TRAPPC9: variants seen among roughly 807,000 people sequenced by gnomAD.
TRAPPC9 encodes the protein trafficking protein particle complex subunit 9, also known as IKK2 binding protein.
In TRAPPC9, 83 loss-of-function variants were observed where a neutral mutation model predicts 124.0. The observed-to-expected ratio is 0.67, with a 90% CI of 0.56 to 0.80. The LOEUF (loss-of-function observed/expected upper bound fraction) is 0.80, where lower values mean the gene tolerates loss of function less well. TRAPPC9 is among the 30% of genes least tolerant of loss of function. The pLI is 0.00. For missense variants in TRAPPC9, 1,302 were observed against 1,508.3 expected, an observed-to-expected ratio of 0.86 and a Z score of 2.27; for synonymous variants, 638 against 617.5, an observed-to-expected ratio of 1.03 and a Z score of -0.49.
chr8:139,862,178 C>G lies in TRAPPC9; in HGVS notation c.3055+23701G>C, dbSNP rs1354754458. On this transcript the variant is annotated intron_variant, in intron 21 of 22. Coordinates refer to ENST00000438773, the MANE Select transcript of TRAPPC9 (RefSeq NM_001160372.4). Reference sequence around the variant, plus strand: ...GAGCAAAAACGGCTCTGCTGGGAGACACCGCCAGGGCACTTGGCCCCAGGG... The same window carrying G: ...GAGCAAAAACGGCTCTGCTGGGAGAGACCGCCAGGGCACTTGGCCCCAGGG... Among the ~76,000 whole-genome samples, 3 of 152,270 alleles carry G rather than the reference C, an allele frequency of 2.0e-5. No individual in the cohort carries two copies. In the East Asian group the frequency reaches 5.8e-4, roughly 29 times the overall value.
chr8:140,018,676 T>C (rs774708599), intron 18 of TRAPPC9, among the ~76,000 whole-genome samples: 7 of 152,202 alleles, frequency 4.6e-5, no homozygotes, highest in African/African-American at 1.7e-4. Flanking sequence ...CTTGCTAAAT[T>C]GACTTATTAT....
intron 19 of TRAPPC9, among the ~76,000 whole-genome samples, chr8:139,982,139 T>TTGC (rs34355094): frequency 0.22 from 33,006 of 151,934 alleles, 4,649 homozygotes; most frequent in African/African-American, 0.42. Flanking sequence ...TCCAGTAAAT[T>TTGC]TGCTGCTGCT....
intron 21 of TRAPPC9, among the ~76,000 whole-genome samples, chr8:139,769,209 T>C (rs748429624): frequency 5.6e-4 from 85 of 152,232 alleles, no homozygotes; most frequent in Non-Finnish European, 4.1e-4. Context: ...GAACCCTATA[T>C]ACACTATGTT....
At chr8:140,419,448 A>C (rs7463434) in intron 5 of TRAPPC9, among the ~76,000 whole-genome samples, 12,707 of 92,848 alleles carry the variant, frequency 0.14, 681 homozygotes, top group Middle Eastern at 0.19. Flanking sequence ...AAAAAAAAAA[A>C]AAAACAAAAC....
chr8:139,900,198 G>A (rs1020247595), intron 20 of TRAPPC9, among the ~76,000 whole-genome samples: 5 of 152,222 alleles, frequency 3.3e-5, no homozygotes, highest in South Asian at 4.1e-4. Context: ...CCCTGAGCCC[G>A]TGTGCGTGTG....
Position 139,906,338 on chromosome 8 carries a change from C to T in TRAPPC9, c.2964+3809G>A, listed in dbSNP as rs191854449. ...TTGTAATTTCTCTGGCCCTGGGCTCCTTGTGATAAACGTGCCCCATCTCAG... is the reference window on the plus strand; with the variant it reads ...TTGTAATTTCTCTGGCCCTGGGCTCTTTGTGATAAACGTGCCCCATCTCAG... On this transcript the variant is annotated intron_variant, in intron 20 of 22. Coordinates refer to ENST00000438773, the MANE Select transcript of TRAPPC9 (RefSeq NM_001160372.4). Among the ~76,000 whole-genome samples the T allele has an allele frequency of 1.9e-3, 293 of 152,170 alleles. 3 individuals carry two copies. Among genetic ancestry groups the T allele is most frequent in the Admixed American group, 0.015 (237 of 15,294 alleles).
intron 15 of TRAPPC9, chr8:140,262,669 A>G (rs2064464632): frequency 6.6e-6 from 1 of 151,938 alleles, no homozygotes; most frequent in Non-Finnish European, 1.5e-5. Context: ...AGTTCAATTC[A>G]GTGCACATGT....
chr8:140,107,033 G>A (rs1248852204), intron 17 of TRAPPC9, among the ~76,000 whole-genome samples: 1 of 152,208 alleles, frequency 6.6e-6, no homozygotes, highest in Non-Finnish European at 1.5e-5. Context: ...GACATAGAGA[G>A]GAGATTTTGC....
chr8:140,350,617 C>T (rs1042401179), intron 9 of TRAPPC9, among the ~76,000 whole-genome samples: 13 of 152,000 alleles, frequency 8.6e-5, no homozygotes, highest in South Asian at 2.1e-4. Flanking sequence ...GCAGAAGAGC[C>T]GGGGGTCACG....
chr8:139,916,716 T>TA (rs1437105983), intron 19 of TRAPPC9: 6 of 152,198 alleles, frequency 3.9e-5, no homozygotes, highest in East Asian at 1.9e-4. Flanking sequence ...GAAGAGTCTA[T>TA]AAAAAAATGG....
intron 17 of TRAPPC9, among the ~76,000 whole-genome samples, chr8:140,127,055 G>A (rs1220289197): frequency 6.6e-6 from 1 of 152,168 alleles, no homozygotes; most frequent in Non-Finnish European, 1.5e-5. Flanking sequence ...GTATGTATCT[G>A]GAGACACCGC....
chr8:139,945,106 AGAGT>A (rs2131465359), intron 19 of TRAPPC9, among the ~76,000 whole-genome samples: 1 of 152,354 alleles, frequency 6.6e-6, no homozygotes, highest in South Asian at 2.1e-4. Flanking sequence ...CCTATGCAAC[AGAGT>A]GAGACTCCAT....
chr8:139,925,361 A>G (rs954136894), intron 19 of TRAPPC9, among the ~76,000 whole-genome samples: 1 of 152,220 alleles, frequency 6.6e-6, no homozygotes, highest in African/African-American at 2.4e-5. Context: ...CTTAGAGGCG[A>G]GAGAGCTAGA....
chr8:139,807,068 T>G (rs754194690), intron 21 of TRAPPC9, among the ~76,000 whole-genome samples: 5 of 152,158 alleles, frequency 3.3e-5, no homozygotes, highest in Non-Finnish European at 7.3e-5. Flanking sequence ...GCCTGTCACC[T>G]AATAATGCCC....
At chr8:139,780,756 T>A (rs1264594552) in intron 21 of TRAPPC9, among the ~76,000 whole-genome samples, 1 of 150,792 alleles carries the variant, frequency 6.6e-6, no homozygotes, top group East Asian at 1.9e-4. Context: ...GTAGCAAATA[T>A]ATTCAAAGAT....
intron 19 of TRAPPC9, among the ~76,000 whole-genome samples, chr8:139,961,141 T>C (rs1419640448): frequency 8.0e-6 from 1 of 124,640 alleles, no homozygotes; most frequent in African/African-American, 2.5e-5. Context: ...GAAACCCACA[T>C]GTGTCCTCGG....
At chr8:140,039,578 A>G (rs1841128980) in intron 17 of TRAPPC9, among the ~76,000 whole-genome samples, 1 of 152,244 alleles carries the variant, frequency 6.6e-6, no homozygotes, top group Non-Finnish European at 1.5e-5. Flanking sequence ...CCTGTGTTCT[A>G]GTCATTAAGC....
At chr8:139,925,979 G>A (rs902784412) in intron 19 of TRAPPC9, among the ~76,000 whole-genome samples, 5 of 152,190 alleles carry the variant, frequency 3.3e-5, no homozygotes, top group African/African-American at 1.2e-4. Flanking sequence ...AGACCCAATG[G>A]TGTGCTGCAG....
At chr8:140,039,286 C>T (rs1211919744) in intron 17 of TRAPPC9, among the ~76,000 whole-genome samples, 1 of 152,170 alleles carries the variant, frequency 6.6e-6, no homozygotes, top group Non-Finnish European at 1.5e-5. Context: ...ATTATGGCTT[C>T]ACCCAAGAGA....
Sources: gnomAD v4.1 joint callset for allele counts (sites outside exome capture counted in the v4.1 genomes callset) on GRCh38, gnomAD v4.1.1 for gene constraint, MANE v1.5 for transcripts, NCBI Gene and HGNC (gene_info 2026-07-23, HGNC 2026-07-21) for gene names.